EPHA5: variants seen among roughly 807,000 people sequenced by gnomAD.
EPHA5 encodes EPH receptor A5.
Under a neutral mutation model 105.0 loss-of-function variants are expected in EPHA5, and 60 were observed. The ratio of observed to expected loss-of-function variants is 0.57; its 90% CI spans 0.46 to 0.71. The LOEUF (loss-of-function observed/expected upper bound fraction) is 0.71, where lower values mean the gene tolerates loss of function less well. EPHA5 is among the 30% of genes least tolerant of loss of function. The probability of loss-of-function intolerance (pLI) is 0.00; values close to 1 mark genes in which losing one functional copy is unlikely to be tolerated. For synonymous variants in EPHA5, 513 were observed against 449.1 expected, an observed-to-expected ratio of 1.14 and a Z score of -1.80; for missense variants, 1,218 against 1,274.7, an observed-to-expected ratio of 0.96 and a Z score of 0.68.
intron 8 of EPHA5, among the ~76,000 whole-genome samples, chr4:65,369,703 C>A (rs1718269575): frequency 6.6e-6 from 1 of 152,124 alleles, no homozygotes; most frequent in Admixed American, 6.6e-5. Flanking sequence ...CGTGGTGGCT[C>A]ACGCTTGTAA....
intron 4 of EPHA5, among the ~76,000 whole-genome samples, chr4:65,493,068 G>A (rs1403614957): frequency 2.0e-5 from 3 of 151,534 alleles, no homozygotes; most frequent in Non-Finnish European, 4.4e-5. Context: ...TGCATCAGCA[G>A]CTGAATCCTC....
chr4:65,471,262 C>A (rs1017829586), intron 5 of EPHA5, among the ~76,000 whole-genome samples: 2 of 152,156 alleles, frequency 1.3e-5, no homozygotes, highest in Non-Finnish European at 2.9e-5. Context: ...GCATATCTAC[C>A]TTCTTTCTGA....
chr4:65,564,580 A>G (rs558948820), intron 3 of EPHA5, among the ~76,000 whole-genome samples: 3 of 151,832 alleles, frequency 2.0e-5, no homozygotes, highest in South Asian at 4.1e-4. Flanking sequence ...TATTTATACC[A>G]ATCCTATTAC....
intron 2 of EPHA5, among the ~76,000 whole-genome samples, chr4:65,633,189 C>T (rs1038854264): frequency 6.6e-6 from 1 of 151,832 alleles, no homozygotes; most frequent in Non-Finnish European, 1.5e-5. Flanking sequence ...GTCTCTCTTC[C>T]CCTGCTGCCT....
In EPHA5 at chr4:65,601,950, C is replaced by A. The variant is rs2149439344; in HGVS notation, c.601G>T (p.Asp201Tyr). The change falls in exon 3 of 17, where the codon GAT (aspartate) becomes TAT (tyrosine). Residue 201 changes from aspartate to tyrosine, a missense_variant. Asp to Tyr is a radical substitution (Grantham distance 160). Coordinates refer to ENST00000613740, the MANE Select transcript of EPHA5 (RefSeq NM_001281766.3). ...CCCTTTTTGCTTAGAGGTCCTACAT[C>A]TCTGACCTCTGTATTCAGTTTCATA... ...RVMKLNTEVRDVGPLSKKGFY... is the reference protein window; with the variant it reads ...RVMKLNTEVRYVGPLSKKGFY... 3.1e-6 allele frequency: 5 copies of A among 1,614,130 alleles called. No homozygotes were observed. Among genetic ancestry groups the A allele is most frequent in the Non-Finnish European group, 4.2e-6 (5 of 1,179,976 alleles).
chr4:65,609,556 T>C (rs1220264313), intron 2 of EPHA5, among the ~76,000 whole-genome samples: 1 of 151,796 alleles, frequency 6.6e-6, no homozygotes, highest in African/African-American at 2.4e-5. Flanking sequence ...GCAGCAAAAT[T>C]CACAGACAAT....
intron 5 of EPHA5, among the ~76,000 whole-genome samples, chr4:65,431,413 A>T (rs1008462526): frequency 2.0e-5 from 3 of 152,178 alleles, no homozygotes; most frequent in Non-Finnish European, 4.4e-5. Flanking sequence ...AGTAACATAA[A>T]ACATGCATGT....
intron 3 of EPHA5, among the ~76,000 whole-genome samples, chr4:65,562,109 A>T (rs1739071428): frequency 6.6e-6 from 1 of 152,138 alleles, no homozygotes; most frequent in African/African-American, 2.4e-5. Context: ...ATTGAAGGTC[A>T]CTGGCCATCA....
intron 3 of EPHA5, among the ~76,000 whole-genome samples, chr4:65,509,116 G>A (rs931610383): frequency 6.6e-6 from 1 of 152,056 alleles, no homozygotes; most frequent in African/African-American, 2.4e-5. Context: ...TTAATTTTCA[G>A]TGTGCAAGTG....
chr4:65,546,856 CT>C (rs34430347), intron 3 of EPHA5, among the ~76,000 whole-genome samples: 131,725 of 151,564 alleles, frequency 0.87, 57,365 homozygotes, highest in Admixed American at 0.9. Context: ...AAAGTAACTC[CT>C]TTTTTTTTGT....
At chr4:65,343,115 A>G (rs1214087930) in intron 14 of EPHA5, among the ~76,000 whole-genome samples, 1 of 152,172 alleles carries the variant, frequency 6.6e-6, no homozygotes, top group Non-Finnish European at 1.5e-5. Context: ...AATATAAGAG[A>G]AAGACCTTGT....
chr4:65,341,607 A>G (rs993961685), intron 14 of EPHA5, among the ~76,000 whole-genome samples: 19 of 150,632 alleles, frequency 1.3e-4, no homozygotes, highest in Non-Finnish European at 2.5e-4. Flanking sequence ...TTGTGTGTGT[A>G]TATGTATATA....
chr4:65,542,570 G>T (rs907714077), intron 3 of EPHA5, among the ~76,000 whole-genome samples: 1 of 151,866 alleles, frequency 6.6e-6, no homozygotes, highest in Non-Finnish European at 1.5e-5. Context: ...TGAAATTGAG[G>T]CAGTAATAAG....
In EPHA5 at chr4:65,331,861, C is replaced by G. The variant is rs1193480957; in HGVS notation, c.2945+112G>C. On this transcript the variant is annotated intron_variant, in intron 16 of 16. Coordinates refer to ENST00000613740, the MANE Select transcript of EPHA5 (RefSeq NM_001281766.3). The stretch of plus-strand genomic sequence containing the variant: ...AAAGATGATGAGGCTTCTTTGAGAG[C>G]TGCCACACATCCGCAAAGGTTAACT... 2.1e-6 allele frequency: 3 copies of G among 1,446,472 alleles called. No homozygotes were observed. In the African/African-American group the frequency reaches 4.3e-5, roughly 21 times the overall value. 89.6% of individuals were successfully genotyped at this position (1,446,472 alleles called of 1,614,324 possible). A position where few individuals can be genotyped will look rare whatever the true frequency, so the allele number is the denominator to read the frequency against.
chr4:65,319,779 T>A lies in EPHA5; in HGVS notation c.*4335A>T, dbSNP rs1022772056. On this transcript the variant is annotated 3_prime_UTR_variant, in exon 17 of 17. Transcript: ENST00000613740. The stretch of plus-strand genomic sequence containing the variant: ...ATGCTATATAGCTGCTTCTGACATG[T>A]CTGAAACTAAGAGATTTTGGTAAAA... 4.4e-6 allele frequency: 1 copy of A among 228,262 alleles called. No homozygotes were observed. The highest frequency in any genetic ancestry group is 8.7e-6 in the Non-Finnish European group (1 of 114,862). 14.1% of individuals were successfully genotyped at this position (228,262 alleles called of 1,614,324 possible). A position where few individuals can be genotyped will look rare whatever the true frequency, so the allele number is the denominator to read the frequency against.
chr4:65,626,229 AT>A (rs1289719992), intron 2 of EPHA5, among the ~76,000 whole-genome samples: 2 of 152,188 alleles, frequency 1.3e-5, no homozygotes, highest in African/African-American at 2.4e-5. Context: ...TGATATTTAA[AT>A]TTATCACAAA....
intron 7 of EPHA5, among the ~76,000 whole-genome samples, chr4:65,405,214 G>A (rs1484972301): frequency 6.6e-6 from 1 of 152,050 alleles, no homozygotes; most frequent in Non-Finnish European, 1.5e-5. Flanking sequence ...ACATGATTAG[G>A]TAGTTGTACT....
intron 5 of EPHA5, among the ~76,000 whole-genome samples, chr4:65,486,273 A>AC (rs1489517944): frequency 8.5e-6 from 1 of 117,440 alleles, no homozygotes; most frequent in East Asian, 2.5e-4. Flanking sequence ...ACACCCCCCC[A>AC]CCCCCATTTC....
chr4:65,386,719 AAAC>A (rs1260660383), intron 8 of EPHA5, among the ~76,000 whole-genome samples: 1 of 152,024 alleles, frequency 6.6e-6, no homozygotes, highest in African/African-American at 2.4e-5. Flanking sequence ...AAAAAACAGA[AAAC>A]AAAACTACCA....
Sources: allele counts gnomAD v4.1 joint callset (sites outside exome capture counted in the v4.1 genomes callset), GRCh38; gene constraint gnomAD v4.1.1; transcripts MANE v1.5; gene names NCBI Gene and HGNC (gene_info 2026-07-23, HGNC 2026-07-21).